CDH5: variants seen among roughly 807,000 people sequenced by gnomAD.
CDH5 encodes cadherin-5.
A neutral mutation model predicts 62.0 loss-of-function variants in CDH5; 28 were observed. The observed-to-expected ratio is 0.45, with a 90% CI of 0.33 to 0.62. The LOEUF is 0.62. CDH5 is among the 20% of genes least tolerant of loss of function. The pLI is 0.02. For missense variants in CDH5, 940 were observed against 1,065.1 expected (o/e 0.88, Z 1.63); for synonymous variants, 464 against 445.8 (o/e 1.04, Z -0.52).
rs1281590359 is a variant in CDH5 at position 66,392,323 on chromosome 16, A to T, written c.1157A>T (p.Lys386Met). The change falls in exon 7 of 12, where the codon AAG becomes ATG. Residue 386 changes from lysine (K) to methionine (M), a missense_variant. Transcript: ENST00000341529. ...FYHFQLKENQ[K>M]KPLIGTVLAM... is the part of the protein sequence containing the mutation. ...CACTTCCAGCTGAAGGAAAACCAGA[A>T]GAAGCCTCTGATTGGCACAGTGCTG... The T allele has an allele frequency of 6.2e-7, 1 of 1,614,148 alleles. No homozygotes were observed. Among genetic ancestry groups the T allele is most frequent in the Admixed American group, 1.7e-5 (1 of 60,034 alleles).
At position 66,402,735 on chromosome 16, in the gene CDH5, C is replaced by T; in HGVS notation, c.1921C>T (p.Gln641Ter). ...HGKSVPEIHE[Q>*]LVTYDEEGGG... Reference sequence around the variant, plus strand: ...CAAGAGCGTGCCGGAGATCCACGAGCAGCTGGTCACCTACGACGAGGAGGG... The same window carrying T: ...CAAGAGCGTGCCGGAGATCCACGAGTAGCTGGTCACCTACGACGAGGAGGG... The change falls in exon 12 of 12, where the codon CAG (glutamine) becomes TAG (stop). Residue 641 changes from glutamine (Q) to a stop codon, truncating the protein, a stop_gained. Transcript: ENST00000341529. LOFTEE classifies it low-confidence loss of function (END_TRUNC). The T allele has an allele frequency of 6.2e-7, 1 of 1,609,880 alleles. No homozygotes were observed. The highest frequency in any genetic ancestry group is 8.5e-7 in the Non-Finnish European group (1 of 1,179,028).
At chr16:66,374,312 TGC>T (rs1009716053) in intron 1 of CDH5, among the ~76,000 whole-genome samples, 15 of 152,288 alleles carry the variant, frequency 9.8e-5, no homozygotes, top group African/African-American at 3.6e-4. Flanking sequence ...AGCTCCCAAA[TGC>T]CCCCAACCCA....
At chr16:66,373,031 G>A (rs903621301) in intron 1 of CDH5, among the ~76,000 whole-genome samples, 3 of 152,174 alleles carry the variant, frequency 2.0e-5, no homozygotes, top group Non-Finnish European at 4.4e-5. Flanking sequence ...GTTGCCAAGC[G>A]TGGCCCCTCC....
Position 66,380,711 on chromosome 16 carries a change from G to A in CDH5, c.210+1164G>A, listed in dbSNP as rs578252331. 5.3e-5 allele frequency among the ~76,000 whole-genome samples: 8 copies of A among 151,614 alleles called. No individual in the cohort carries two copies. In the South Asian group the frequency reaches 1.7e-3, roughly 32 times the overall value. Reference sequence around the variant, plus strand: ...GGTGATGGTGGTGAGGTTGGGGAAGGACAAGGTGGTGGTGGTGGTGGTAGT... The same window carrying A: ...GGTGATGGTGGTGAGGTTGGGGAAGAACAAGGTGGTGGTGGTGGTGGTAGT... On this transcript the variant is annotated intron_variant, in intron 2 of 11. Transcript: ENST00000341529.
At chr16:66,398,185 G>A (rs940448228) in intron 9 of CDH5, 79 bp downstream of exon 9, 2 of 1,528,570 alleles carry the variant, frequency 1.3e-6, no homozygotes, top group East Asian at 2.3e-5. Context: ...AACAGAGTCA[G>A]CAGGAGTTCC....
intron 1 of CDH5, among the ~76,000 whole-genome samples, chr16:66,376,026 A>T (rs1427399390): frequency 6.6e-6 from 1 of 152,118 alleles, no homozygotes. Flanking sequence ...CAGGAGAATG[A>T]CTTGAACCTG....
intron 1 of CDH5, among the ~76,000 whole-genome samples, chr16:66,373,429 G>A (rs1960728709): frequency 7.2e-6 from 1 of 138,296 alleles, no homozygotes; most frequent in African/African-American, 2.8e-5. Flanking sequence ...TTTTTTTTGA[G>A]ACGAAGTCTT....
intron 2 of CDH5, among the ~76,000 whole-genome samples, chr16:66,385,164 T>A (rs913262390): frequency 6.6e-6 from 1 of 152,130 alleles, no homozygotes; most frequent in Non-Finnish European, 1.5e-5. Flanking sequence ...TCTATGAGAG[T>A]ATCATTGTAT....
At chr16:66,401,956 G>A (rs1961290422) in intron 11 of CDH5, among the ~76,000 whole-genome samples, 1 of 152,186 alleles carries the variant, frequency 6.6e-6, no homozygotes, top group African/African-American at 2.4e-5. Context: ...TAGCCCTCCT[G>A]AGAGTGGCCT....
At chr16:66,379,277 T>G in intron 1 of CDH5, 42 bp from the exon 2 acceptor site, 1 of 1,444,984 alleles carries the variant, frequency 6.9e-7, no homozygotes, top group Non-Finnish European at 9.5e-7. Context: ...ACTCCTTTCA[T>G]CGTCACTGGC....
chr16:66,369,159 A>G (rs1352677953), intron 1 of CDH5, among the ~76,000 whole-genome samples: 2 of 152,266 alleles, frequency 1.3e-5, no homozygotes, highest in Admixed American at 1.3e-4. Context: ...AAACAGTCAG[A>G]TCCTGGCAGG....
chr16:66,374,651 C>A (rs928582521), intron 1 of CDH5, among the ~76,000 whole-genome samples: 1 of 151,230 alleles, frequency 6.6e-6, no homozygotes, highest in African/African-American at 2.4e-5. Flanking sequence ...GACTGGTGGA[C>A]TCTGCTTTGC....
intron 1 of CDH5, chr16:66,377,140 G>A (rs186364041): frequency 6.6e-6 from 1 of 152,342 alleles, no homozygotes; most frequent in African/African-American, 2.4e-5. Context: ...GGTCCAGTGA[G>A]GCTGGGGCAG....
intron 2 of CDH5, among the ~76,000 whole-genome samples, chr16:66,379,764 T>C (rs564725212): frequency 6.6e-6 from 1 of 151,998 alleles, no homozygotes; most frequent in African/African-American, 2.4e-5. Context: ...GTGATAGTGA[T>C]GGTGGTGAGG....
rs142149088 is a variant in CDH5, at chr16:66,394,477, CT to C, written c.1218-1578del. 3.3e-3 allele frequency among the ~76,000 whole-genome samples: 508 copies of C among 152,072 alleles called. 1 individual carries two copies. Among genetic ancestry groups the C allele is most frequent in the African/African-American group, 0.011 (439 of 41,504 alleles). On this transcript the variant is annotated intron_variant, in intron 7 of 11. Transcript: ENST00000341529. ...ATAATTGATATGTTTGATGTTCCTT[CT>C]TTTATCTTGTTTTACATTTCTCATT...
chr16:66,369,752 G>T (rs911545348), intron 1 of CDH5, among the ~76,000 whole-genome samples: 2 of 152,130 alleles, frequency 1.3e-5, no homozygotes, highest in African/African-American at 4.8e-5. Flanking sequence ...CACAAAATAG[G>T]TCTGGCCAGT....
chr16:66,402,864 C>A lies in CDH5; in HGVS notation c.2050C>A (p.Leu684Ile), dbSNP rs373238757. The change falls in exon 12 of 12, where the codon CTC becomes ATC. Residue 684 changes from leucine to isoleucine, a missense_variant. Physicochemically the swap from Leu to Ile is conservative, Grantham distance 5. Coordinates refer to ENST00000341529, the MANE Select transcript of CDH5 (RefSeq NM_001795.5). ...PRPALDARPS[L>I]YAQVQKPPRH... ...GCCCGCGCTGGACGCCCGGCCTTCC[C>A]TCTATGCGCAGGTGCAGAAGCCACC... 1 of 1,606,840 alleles carries A rather than the reference C, an allele frequency of 6.2e-7. No homozygotes were observed. The highest frequency in any genetic ancestry group is 8.5e-7 in the Non-Finnish European group (1 of 1,177,612).
intron 2 of CDH5, among the ~76,000 whole-genome samples, chr16:66,386,320 T>G (rs972207003): frequency 6.6e-6 from 1 of 152,022 alleles, no homozygotes; most frequent in African/African-American, 2.4e-5. Flanking sequence ...ATGTCCATGT[T>G]TGTTACATGT....
At chr16:66,378,531 T>C (rs1960823924) in intron 1 of CDH5, among the ~76,000 whole-genome samples, 1 of 152,158 alleles carries the variant, frequency 6.6e-6, no homozygotes, top group Non-Finnish European at 1.5e-5. Flanking sequence ...GACACTTGGG[T>C]TCCTGTCTGA....
Sources: allele counts gnomAD v4.1 joint callset (sites outside exome capture counted in the v4.1 genomes callset), GRCh38; gene constraint gnomAD v4.1.1; transcripts MANE v1.5; gene names NCBI Gene and HGNC (gene_info 2026-07-23, HGNC 2026-07-21).